PATJ: variants seen among roughly 807,000 people sequenced by gnomAD.
PATJ encodes the protein PATJ crumbs cell polarity complex component.
In PATJ, 190 loss-of-function variants were observed where a neutral mutation model predicts 224.9. The observed-to-expected ratio is 0.84, with a 90% confidence interval of 0.75 to 0.95. PATJ has a LOEUF of 0.95. Ranked by LOEUF, PATJ falls within the 40% of genes least tolerant of loss-of-function variation. PATJ has a pLI of 0.00. For synonymous variants in PATJ, 769 were observed against 820.3 expected, an observed-to-expected ratio of 0.94 and a Z score of 1.07; for missense variants, 2,121 against 2,270.3, an observed-to-expected ratio of 0.93 and a Z score of 1.34.
chr1:62,088,045 C>A (rs1207791435), intron 33 of PATJ, among the ~76,000 whole-genome samples: 4 of 151,998 alleles, frequency 2.6e-5, no homozygotes, highest in African/African-American at 9.7e-5. Context: ...GCATGCACCA[C>A]CATGACTGGC....
intron 8 of PATJ, among the ~76,000 whole-genome samples, chr1:61,789,836 T>C (rs896411970): frequency 3.9e-5 from 6 of 152,056 alleles, no homozygotes; most frequent in African/African-American, 7.2e-5. Context: ...TTTCTCCAAA[T>C]TGTGGTTACA....
At chr1:61,756,694 T>G (rs1480591482) in intron 1 of PATJ, among the ~76,000 whole-genome samples, 3 of 150,900 alleles carry the variant, frequency 2.0e-5, no homozygotes, top group African/African-American at 7.3e-5. Context: ...TTCTCTCTCC[T>G]TAGCCTTCCA....
chr1:61,749,220 C>A (rs1008685497), intron 1 of PATJ, among the ~76,000 whole-genome samples: 1 of 151,676 alleles, frequency 6.6e-6, no homozygotes, highest in Non-Finnish European at 1.5e-5. Flanking sequence ...GTTGGCCAGG[C>A]TGGTCTCGAA....
At chr1:62,046,571 C>G (rs929609773) in intron 30 of PATJ, among the ~76,000 whole-genome samples, 6 of 152,180 alleles carry the variant, frequency 3.9e-5, no homozygotes, top group African/African-American at 1.4e-4. Context: ...AAAAATGAAT[C>G]AGGCAGTGGG....
intron 7 of PATJ, among the ~76,000 whole-genome samples, chr1:61,784,953 C>G (rs1397528832): frequency 3.3e-5 from 5 of 152,228 alleles, no homozygotes; most frequent in Non-Finnish European, 7.3e-5. Context: ...CACCACTTCT[C>G]TACACTTCCA....
intron 1 of PATJ, among the ~76,000 whole-genome samples, chr1:61,758,965 C>T (rs1041506626): frequency 5.9e-5 from 9 of 152,152 alleles, no homozygotes; most frequent in African/African-American, 2.2e-4. Flanking sequence ...TTCCAGCTAG[C>T]CATGCCCCAG....
intron 27 of PATJ, among the ~76,000 whole-genome samples, chr1:61,984,178 T>TGA (rs1340127388): frequency 7.3e-6 from 1 of 137,230 alleles, no homozygotes; most frequent in African/African-American, 2.9e-5. Flanking sequence ...TTTTTTTTTT[T>TGA]GAGGCAGAGT....
chr1:62,161,199 G>A lies in PATJ; in HGVS notation c.*145G>A. On this transcript the variant is annotated 3_prime_UTR_variant, in exon 44 of 44. Coordinates refer to ENST00000642238, the MANE Select transcript of PATJ (RefSeq NM_001350145.3). ...CTCTCTGCTCAGGAGAAATGGCTGA[G>A]GTTTCATGTGAATTTCCCAAATCAA... is the stretch of plus-strand genomic sequence containing the variant. The A allele has an allele frequency of 3.8e-6, 2 of 529,394 alleles. No individual in the cohort carries two copies. The highest frequency in any genetic ancestry group is 5.9e-6 in the Non-Finnish European group (2 of 338,608). The allele number at this position is 529,394 out of a possible 1,614,324, so 32.8% of individuals were successfully genotyped here.
At chr1:62,008,551 G>A (rs1646235610) in intron 28 of PATJ, among the ~76,000 whole-genome samples, 2 of 152,152 alleles carry the variant, frequency 1.3e-5, no homozygotes, top group South Asian at 4.1e-4. Flanking sequence ...GAGTCCAGGA[G>A]TTCAAGACCA....
At chr1:62,085,337 G>A (rs1020706095) in intron 33 of PATJ, among the ~76,000 whole-genome samples, 3 of 151,842 alleles carry the variant, frequency 2.0e-5, no homozygotes, top group Non-Finnish European at 1.5e-5. Flanking sequence ...GGGTGACAGA[G>A]AGCAAGACCT....
At chr1:61,979,183 C>T (rs1399556400) in intron 27 of PATJ, among the ~76,000 whole-genome samples, 4 of 151,934 alleles carry the variant, frequency 2.6e-5, no homozygotes, top group African/African-American at 9.7e-5. Flanking sequence ...AAGCCTGGTG[C>T]CAAAAGAAGT....
chr1:61,805,583 C>G lies in PATJ; in HGVS notation c.1626+59C>G, dbSNP rs899816027. The G allele has an allele frequency of 2.7e-5, 28 of 1,026,042 alleles. No individual in the cohort carries two copies. In the East Asian group the frequency reaches 6.5e-4, roughly 24 times the overall value. 63.6% of individuals were successfully genotyped at this position (1,026,042 alleles called of 1,614,324 possible). On this transcript the variant is annotated intron_variant, in intron 13 of 43. Coordinates refer to ENST00000642238, the MANE Select transcript of PATJ (RefSeq NM_001350145.3). Reference sequence around the variant, plus strand: ...GTCTCATTTCACATCAAGTTTCTAACAGTACGATCCAAAGAAATGGGTGAG... The same window carrying G: ...GTCTCATTTCACATCAAGTTTCTAAGAGTACGATCCAAAGAAATGGGTGAG...
At chr1:61,931,408 A>T (rs887641659) in intron 27 of PATJ, among the ~76,000 whole-genome samples, 8 of 152,252 alleles carry the variant, frequency 5.3e-5, no homozygotes, top group Non-Finnish European at 1.2e-4. Context: ...AAAATAAAAA[A>T]TAAAAACAAA....
At chr1:61,909,124 C>T (rs533079609) in intron 25 of PATJ, among the ~76,000 whole-genome samples, 2 of 152,010 alleles carry the variant, frequency 1.3e-5, no homozygotes, top group African/African-American at 4.8e-5. Flanking sequence ...GGATTACAAG[C>T]ATGTGCCACC....
At chr1:62,143,528 G>T (rs970757074) in intron 41 of PATJ, among the ~76,000 whole-genome samples, 1 of 130,848 alleles carries the variant, frequency 7.6e-6, no homozygotes, top group Non-Finnish European at 1.5e-5. Flanking sequence ...TCGGCTCACT[G>T]CAACCTCTGC....
At chr1:61,753,922 C>A (rs950193867) in intron 1 of PATJ, among the ~76,000 whole-genome samples, 2 of 151,704 alleles carry the variant, frequency 1.3e-5, no homozygotes, top group African/African-American at 4.8e-5. Flanking sequence ...AAATTTCTAT[C>A]TCTCTTCAAA....
At chr1:61,979,425 T>A (rs182917010) in intron 27 of PATJ, among the ~76,000 whole-genome samples, 1 of 151,822 alleles carries the variant, frequency 6.6e-6, no homozygotes, top group Non-Finnish European at 1.5e-5. Context: ...GAGGCCAAGG[T>A]GGGCAGATCA....
At chr1:62,104,340 C>A (rs900183745) in intron 33 of PATJ, among the ~76,000 whole-genome samples, 8 of 152,012 alleles carry the variant, frequency 5.3e-5, no homozygotes, top group African/African-American at 9.7e-5. Context: ...ATAAAATATC[C>A]CAACCCAGTA....
intron 29 of PATJ, among the ~76,000 whole-genome samples, chr1:62,020,302 C>T (rs1647007807): frequency 6.6e-6 from 1 of 152,144 alleles, no homozygotes; most frequent in Non-Finnish European, 1.5e-5. Flanking sequence ...TGTAAATGTA[C>T]ATTTAGTACG....
Sources: gnomAD v4.1 joint callset for allele counts (sites outside exome capture counted in the v4.1 genomes callset) on GRCh38, gnomAD v4.1.1 for gene constraint, MANE v1.5 for transcripts, NCBI Gene and HGNC (gene_info 2026-07-23, HGNC 2026-07-21) for gene names.